The following CERS3 variants were observed in gnomAD, a reference collection of about 807,000 sequenced individuals.
CERS3 encodes LAG1 homolog, ceramide synthase 3.
In CERS3, 33 loss-of-function variants were observed where a neutral mutation model predicts 50.3. That is an observed-to-expected ratio of 0.66 (90% confidence interval 0.50 to 0.88). The LOEUF (loss-of-function observed/expected upper bound fraction) is 0.88. CERS3 is among the 40% of genes least tolerant of loss of function. The pLI, the probability that CERS3 is intolerant of heterozygous loss-of-function variation, is 0.00. For missense variants in CERS3, 470 were observed against 460.3 expected (o/e 1.02, Z -0.19); for synonymous variants, 176 against 155.2 (o/e 1.13, Z -0.99).
At chr15:100,431,856 T>C (rs1235302492) in intron 11 of CERS3, among the ~76,000 whole-genome samples, 1 of 152,212 alleles carries the variant, frequency 6.6e-6, no homozygotes, top group Non-Finnish European at 1.5e-5. Context: ...ATAGCTAGCA[T>C]GTAACAAGCT....
chr15:100,513,369 C>T (rs1426253544), intron 2 of CERS3, among the ~76,000 whole-genome samples: 2 of 152,114 alleles, frequency 1.3e-5, no homozygotes, highest in African/African-American at 2.4e-5. Flanking sequence ...CTTCCCTCTC[C>T]CTGCACTCTC....
At chr15:100,411,126 T>C (rs1274842625) in intron 11 of CERS3, among the ~76,000 whole-genome samples, 1 of 152,204 alleles carries the variant, frequency 6.6e-6, no homozygotes, top group Non-Finnish European at 1.5e-5. Context: ...GTTTCATTCA[T>C]GTTGTAGCAT....
chr15:100,521,528 C>T (rs2036638567), intron 2 of CERS3, 139 bp downstream of exon 2: 1 of 152,174 alleles, frequency 6.6e-6, no homozygotes, highest in Non-Finnish European at 1.5e-5. Context: ...ATGGTACTGG[C>T]TTTGCCCAAA....
chr15:100,420,548 T>C lies in CERS3; in HGVS notation c.1000-17683A>G, dbSNP rs929246868. Among the ~76,000 whole-genome samples the C allele has an allele frequency of 2.4e-4, 36 of 151,858 alleles. No individual in the cohort carries two copies. In the East Asian group the frequency reaches 4.5e-3, roughly 19 times the overall value. ...TTCCTTCTGAAACTATTCCAATCAA[T>C]AGAAAAAGAGGGAATCCTCCCTAAC... On this transcript the variant is annotated intron_variant, in intron 11 of 11. Coordinates refer to ENST00000679737, the MANE Select transcript of CERS3 (RefSeq NM_001378789.1).
At chr15:100,431,469 C>T (rs1280860595) in intron 11 of CERS3, among the ~76,000 whole-genome samples, 3 of 151,790 alleles carry the variant, frequency 2.0e-5, no homozygotes, top group Non-Finnish European at 4.4e-5. Context: ...TCTTTTAGTG[C>T]AGAACATCAA....
chr15:100,465,002 A>G (rs1021115376), intron 10 of CERS3, among the ~76,000 whole-genome samples: 4 of 152,266 alleles, frequency 2.6e-5, no homozygotes, highest in African/African-American at 9.6e-5. Flanking sequence ...GAGGCTGGGG[A>G]AAATCAGAGA....
intron 1 of CERS3, among the ~76,000 whole-genome samples, chr15:100,538,725 G>T (rs959442938): frequency 1.3e-5 from 2 of 152,192 alleles, no homozygotes; most frequent in Admixed American, 6.5e-5. Context: ...CCCCTGACAT[G>T]CCCTGGAGAC....
At chr15:100,417,235 T>C (rs2585237) in intron 11 of CERS3, among the ~76,000 whole-genome samples, 141,901 of 150,818 alleles carry the variant, frequency 0.94, 67,465 homozygotes, top group East Asian at 1. Flanking sequence ...GCACCGTGCG[T>C]GAGCCGAAGC....
intron 10 of CERS3, among the ~76,000 whole-genome samples, chr15:100,467,808 CGTCT>C (rs1567639828): frequency 2.3e-4 from 22 of 95,562 alleles, no homozygotes; most frequent in Admixed American, 3.7e-4. Flanking sequence ...TATATATATA[CGTCT>C]ATATATATGT....
chr15:100,401,676 G>C lies in CERS3; in HGVS notation c.*1037C>G, dbSNP rs138465198. ...AGTGTACATGCGTGCCCTCCCCAGA[G>C]GCTCAGGCCTCCTGGGTGATGAGGC... On this transcript the variant is annotated 3_prime_UTR_variant, in exon 12 of 12. Transcript: ENST00000679737. 9.5e-4 allele frequency: 145 copies of C among 152,472 alleles called. No individual in the cohort carries two copies. The highest frequency in any genetic ancestry group is 3.3e-3 in the African/African-American group (137 of 41,580). 9.4% of individuals were successfully genotyped at this position (152,472 alleles called of 1,614,324 possible). A position where few individuals can be genotyped will look rare whatever the true frequency, so the allele number is the denominator to read the frequency against.
Position 100,429,730 on chromosome 15 carries a change from G to A in CERS3, c.999+26163C>T, listed in dbSNP as rs375583627. ...AGTTGATCCTCACATGACACAGCAC[G>A]GAAAAGCTTCACCATCTGTGTTTCT... On this transcript the variant is annotated intron_variant, in intron 11 of 11. Coordinates refer to ENST00000679737, the MANE Select transcript of CERS3 (RefSeq NM_001378789.1). 1.2e-4 allele frequency among the ~76,000 whole-genome samples: 18 copies of A among 152,144 alleles called. No individual in the cohort carries two copies. In the East Asian group the frequency reaches 3.3e-3, roughly 28 times the overall value.
chr15:100,543,104 G>C (rs933121136), intron 1 of CERS3, among the ~76,000 whole-genome samples: 1 of 151,946 alleles, frequency 6.6e-6, no homozygotes, highest in Non-Finnish European at 1.5e-5. Flanking sequence ...TACAGGCAGG[G>C]TTTCACTATG....
chr15:100,469,233 C>T, intron 10 of CERS3, 145 bp downstream of exon 10: 1 of 603,572 alleles, frequency 1.7e-6, no homozygotes, highest in Non-Finnish European at 3.0e-6. Context: ...ATAAAAATGG[C>T]TCCATCACAT....
chr15:100,444,807 C>A (rs897303992), intron 11 of CERS3, among the ~76,000 whole-genome samples: 2 of 152,178 alleles, frequency 1.3e-5, no homozygotes, highest in Admixed American at 6.5e-5. Flanking sequence ...TAGGTAGAGG[C>A]CTTTCCCACA....
chr15:100,480,502 C>T (rs1338675042), intron 5 of CERS3, among the ~76,000 whole-genome samples: 1 of 152,136 alleles, frequency 6.6e-6, no homozygotes, highest in Non-Finnish European at 1.5e-5. Flanking sequence ...AGACTTTACT[C>T]TTTTCTCCTA....
chr15:100,473,188 C>T lies in CERS3; in HGVS notation c.610-136G>A, dbSNP rs906646964. The T allele has an allele frequency of 4.4e-6, 4 of 904,924 alleles. No homozygotes were observed. The African/African-American group carries it at 6.8e-5, about 15-fold the overall frequency. The allele number at this position is 904,924 out of a possible 1,614,324, so 56.1% of individuals were successfully genotyped here. On this transcript the variant is annotated intron_variant, in intron 8 of 11. Coordinates refer to ENST00000679737, the MANE Select transcript of CERS3 (RefSeq NM_001378789.1). ...GAAATTTATAAAATGCTTTTACTTC[C>T]TAAACACAATCTTTGTGAGGGAGCT... is the stretch of plus-strand genomic sequence containing the variant.
chr15:100,526,478 C>CTGTGTGTGTGTGTG (rs1217852084), intron 1 of CERS3, among the ~76,000 whole-genome samples: 27,209 of 131,312 alleles, frequency 0.21, 3,169 homozygotes, highest in East Asian at 0.25. Flanking sequence ...CCTACATAAA[C>CTGTGTGTGTGTGTG]TGTGTGTGTG....
chr15:100,482,054 C>T (rs2035318557), intron 5 of CERS3, among the ~76,000 whole-genome samples: 1 of 152,148 alleles, frequency 6.6e-6, no homozygotes, highest in African/African-American at 2.4e-5. Flanking sequence ...ATAGGTATAA[C>T]ACACACAAAT....
chr15:100,529,821 GATT>G (rs1450338119), upstream of CERS3, among the ~76,000 whole-genome samples: 3 of 152,286 alleles, frequency 2.0e-5, no homozygotes. Context: ...CTGAGAGCCT[GATT>G]CTCATTAGCT....
Sources: allele counts gnomAD v4.1 joint callset (sites outside exome capture counted in the v4.1 genomes callset), GRCh38; gene constraint gnomAD v4.1.1; transcripts MANE v1.5; gene names NCBI Gene and HGNC (gene_info 2026-07-23, HGNC 2026-07-21).